SPATS2: variants seen among roughly 807,000 people sequenced by gnomAD.
SPATS2 encodes the protein spermatogenesis associated serine rich 2, also known as spermatogenesis-associated serine-rich protein 2.
A neutral mutation model predicts 63.7 loss-of-function variants in SPATS2; 38 were observed. That is an observed-to-expected ratio of 0.60 (90% CI 0.46 to 0.78). The LOEUF is 0.78. Among genes scored for constraint, SPATS2 ranks in the 30% least tolerant of loss-of-function variants. SPATS2 has a pLI of 0.00. For synonymous variants in SPATS2, 207 were observed against 232.9 expected, an observed-to-expected ratio of 0.89 and a Z score of 1.01; for missense variants, 588 against 666.2, an observed-to-expected ratio of 0.88 and a Z score of 1.29.
In SPATS2 at chr12:49,500,159, G is replaced by A. The variant is rs772702675; in HGVS notation, c.793G>A (p.Ala265Thr). Residue 265 changes from alanine to threonine, a missense_variant, in exon 9 of 14, where the codon GCC (alanine) becomes ACC (threonine). Physicochemically the swap from Ala to Thr is moderately conservative, Grantham distance 58. Transcript: ENST00000552918. ...YRVVVKEEMD[A>T]SIKKMKQAFA... is the part of the protein sequence containing the mutation. ...AGTTGTAGTTAAAGAAGAGATGGAT[G>A]CCTCCATTAAGAAAATGAAACAAGC... 6 of 1,611,354 alleles carry A rather than the reference G, an allele frequency of 3.7e-6. No homozygotes were observed. The highest frequency in any genetic ancestry group is 5.1e-6 in the Non-Finnish European group (6 of 1,178,978).
Position 49,524,789 on chromosome 12 carries a change from G to T in SPATS2, c.1219G>T (p.Ala407Ser), listed in dbSNP as rs555501080. Residue 407 changes from alanine (A) to serine (S), a missense_variant, in exon 13 of 14, where the codon GCC becomes TCC. Ala to Ser is a moderately conservative substitution (Grantham distance 99). Transcript: ENST00000552918. ...CTCTGCTGCTTCCTCTTCCACCTGT[G>T]CCTCTCCTCCCAGCCTTACAAGTGC... ...DASAASSSTC[A>S]SPPSLTSANK... 1 of 1,613,960 alleles carries T rather than the reference G, an allele frequency of 6.2e-7. No homozygotes were observed. Among genetic ancestry groups the T allele is most frequent in the Non-Finnish European group, 8.5e-7 (1 of 1,180,024 alleles).
At chr12:49,503,349 CA>C (rs763646473) in intron 9 of SPATS2, among the ~76,000 whole-genome samples, 1 of 146,030 alleles carries the variant, frequency 6.8e-6, no homozygotes, top group Admixed American at 6.9e-5. Context: ...GACTCCATCT[CA>C]AAAAACAAAG....
chr12:49,418,115 T>TTTG (rs1565711801), intron 2 of SPATS2, among the ~76,000 whole-genome samples: 3 of 139,772 alleles, frequency 2.1e-5, no homozygotes, highest in African/African-American at 2.8e-5. Context: ...TCAGTTTTTT[T>TTTG]TTTTTTTTTT....
At chr12:49,368,679 T>C (rs1592331206) in intron 1 of SPATS2, among the ~76,000 whole-genome samples, 1 of 152,208 alleles carries the variant, frequency 6.6e-6, no homozygotes, top group Non-Finnish European at 1.5e-5. Context: ...TTAAGGTGAT[T>C]TGGGAATATT....
At chr12:49,394,379 T>C (rs917916446) in intron 2 of SPATS2, among the ~76,000 whole-genome samples, 8 of 151,678 alleles carry the variant, frequency 5.3e-5, no homozygotes, top group Middle Eastern at 3.2e-3. Flanking sequence ...TGCTGGATTC[T>C]GCAAAAAAAG....
intron 8 of SPATS2, among the ~76,000 whole-genome samples, chr12:49,499,068 G>C (rs1441082641): frequency 6.6e-6 from 1 of 152,196 alleles, no homozygotes; most frequent in East Asian, 1.9e-4. Flanking sequence ...TTACAGGCGT[G>C]AGCCACCACA....
At chr12:49,427,156 G>A (rs1945094589) in intron 2 of SPATS2, among the ~76,000 whole-genome samples, 1 of 151,900 alleles carries the variant, frequency 6.6e-6, no homozygotes, top group Admixed American at 6.6e-5. Flanking sequence ...AAAAGGTGAG[G>A]CTGGTCTCAT....
intron 2 of SPATS2, among the ~76,000 whole-genome samples, chr12:49,403,104 A>T (rs115226684): frequency 6.7e-4 from 102 of 152,272 alleles, no homozygotes; most frequent in African/African-American, 2.2e-3. Flanking sequence ...CGTGGTGAGT[A>T]ACGTAAAGAG....
chr12:49,495,662 C>T (rs1435880821), intron 7 of SPATS2, among the ~76,000 whole-genome samples: 1 of 152,050 alleles, frequency 6.6e-6, no homozygotes. Flanking sequence ...TTTTTCCACT[C>T]ATGCAAAAAT....
intron 3 of SPATS2, among the ~76,000 whole-genome samples, chr12:49,476,477 C>T (rs1433905231): frequency 6.6e-6 from 1 of 152,280 alleles, no homozygotes; most frequent in African/African-American, 2.4e-5. Flanking sequence ...ACAGAAATCC[C>T]TCTGTCCCTG....
intron 9 of SPATS2, among the ~76,000 whole-genome samples, chr12:49,506,743 G>A (rs1757338644): frequency 6.6e-6 from 1 of 151,954 alleles, no homozygotes; most frequent in Non-Finnish European, 1.5e-5. Flanking sequence ...CTACTCAAGA[G>A]GATCGCTTGA....
intron 9 of SPATS2, among the ~76,000 whole-genome samples, chr12:49,503,067 A>C (rs1367240943): frequency 8.7e-4 from 133 of 152,306 alleles, no homozygotes; most frequent in Non-Finnish European, 5.9e-5. Context: ...GAAAATAAAG[A>C]GCTGGCTGGG....
At chr12:49,428,992 G>A (rs1945132692) in intron 2 of SPATS2, among the ~76,000 whole-genome samples, 1 of 152,194 alleles carries the variant, frequency 6.6e-6, no homozygotes, top group South Asian at 2.1e-4. Flanking sequence ...CCACCTGTGC[G>A]AGGAGGAGGG....
intron 2 of SPATS2, among the ~76,000 whole-genome samples, chr12:49,435,791 CTTCCGCA>C (rs1945270322): frequency 6.6e-6 from 1 of 151,136 alleles, no homozygotes; most frequent in South Asian, 2.1e-4. Context: ...ACCCTGCGGC[CTTCCGCA>C]GTGTTTGTGT....
chr12:49,483,132 T>TA (rs1432497363), intron 3 of SPATS2, among the ~76,000 whole-genome samples: 2 of 122,036 alleles, frequency 1.6e-5, no homozygotes, highest in Admixed American at 8.7e-5. Flanking sequence ...AGTATGTTGT[T>TA]AAAGGAAAAA....
Position 49,524,735 on chromosome 12 carries a change from T to G in SPATS2, c.1165T>G (p.Ser389Ala). The change falls in exon 13 of 14, where the codon TCT (serine) becomes GCT (alanine). Residue 389 changes from serine (S) to alanine (A), a missense_variant. By Grantham distance (99) the Ser-to-Ala change is moderately conservative. Coordinates refer to ENST00000552918, the MANE Select transcript of SPATS2 (RefSeq NM_023071.4). ...STRSRCSSVT[S>A]VSLSSPSDAS... is the part of the protein sequence containing the mutation. ...CAGATCCCGATGTAGCTCAGTTACA[T>G]CTGTGTCCTTGAGTAGCCCAAGTGA... 1.2e-6 allele frequency: 2 copies of G among 1,614,218 alleles called. No individual in the cohort carries two copies. Among genetic ancestry groups the G allele is most frequent in the South Asian group, 2.2e-5 (2 of 91,084 alleles).
In SPATS2 at chr12:49,496,910, C is replaced by G. The variant is rs1353671363; in HGVS notation, c.604C>G (p.Pro202Ala). The change falls in exon 8 of 14, where the codon CCC becomes GCC. Residue 202 changes from proline (P) to alanine (A), a missense_variant. Pro to Ala is a conservative substitution (Grantham distance 27). Transcript: ENST00000552918. ...GCACTCTATTCACAATTCTCAACAA[C>G]CCAGGAATGCTGCCAAATCTCTCTC... ...TMHSIHNSQQ[P>A]RNAAKSLSRP... 6.2e-7 allele frequency: 1 copy of G among 1,613,222 alleles called. No homozygotes were observed. The highest frequency in any genetic ancestry group is 1.7e-5 in the Admixed American group (1 of 59,844).
At chr12:49,438,260 T>C (rs1024074760) in intron 2 of SPATS2, among the ~76,000 whole-genome samples, 1 of 152,242 alleles carries the variant, frequency 6.6e-6, no homozygotes, top group African/African-American at 2.4e-5. Context: ...CTATGAGATA[T>C]AGCTATGTTG....
At chr12:49,448,040 C>CTATA (rs899902101) in intron 2 of SPATS2, among the ~76,000 whole-genome samples, 1 of 151,322 alleles carries the variant, frequency 6.6e-6, no homozygotes, top group Non-Finnish European at 1.5e-5. Context: ...GAAACTCAAG[C>CTATA]TATAGATTGA....
Sources: gnomAD v4.1 joint callset for allele counts (sites outside exome capture counted in the v4.1 genomes callset) on GRCh38, gnomAD v4.1.1 for gene constraint, MANE v1.5 for transcripts, NCBI Gene and HGNC (gene_info 2026-07-23, HGNC 2026-07-21) for gene names.